Variants in GRID2 observed in about 807,000 individuals in gnomAD.
GRID2 encodes glutamate ionotropic receptor delta type subunit 2, also known as glutamate receptor ionotropic, delta-2.
A neutral mutation model predicts 114.8 loss-of-function variants in GRID2; 33 were observed. The observed-to-expected ratio is 0.29, with a 90% CI of 0.22 to 0.38. The LOEUF (loss-of-function observed/expected upper bound fraction) is 0.38, where lower values mean the gene tolerates loss of function less well. GRID2 is among the 10% of genes least tolerant of loss of function. The probability of loss-of-function intolerance (pLI) is 1.00; values close to 1 mark genes in which losing one functional copy is unlikely to be tolerated. For synonymous variants in GRID2, 505 were observed against 449.9 expected, an observed-to-expected ratio of 1.12 and a Z score of -1.55; for missense variants, 1,184 against 1,257.7, an observed-to-expected ratio of 0.94 and a Z score of 0.89.
chr4:92,475,950 G>A (rs916181845), intron 1 of GRID2, among the ~76,000 whole-genome samples: 1 of 149,412 alleles, frequency 6.7e-6, no homozygotes, highest in Non-Finnish European at 1.5e-5. Context: ...AAATGGAAAT[G>A]TTTTCTTAAT....
intron 2 of GRID2, among the ~76,000 whole-genome samples, chr4:92,727,914 T>A (rs755409868): frequency 2.6e-5 from 4 of 152,100 alleles, no homozygotes; most frequent in Non-Finnish European, 4.4e-5. Context: ...CCTTCCAATA[T>A]ACGGCTTTGC....
intron 1 of GRID2, among the ~76,000 whole-genome samples, chr4:92,555,273 A>T (rs2149176698): frequency 6.6e-6 from 1 of 152,294 alleles, no homozygotes. Flanking sequence ...GTTGAAGTAA[A>T]GTTGCACTAA....
chr4:93,523,171 T>C (rs1013356701), intron 13 of GRID2, among the ~76,000 whole-genome samples: 3 of 152,144 alleles, frequency 2.0e-5, no homozygotes, highest in Admixed American at 2.0e-4. Flanking sequence ...ATGAGTGTTG[T>C]AGCAGAGAAA....
At chr4:92,350,654 C>T (rs866300121) in intron 1 of GRID2, among the ~76,000 whole-genome samples, 1 of 151,776 alleles carries the variant, frequency 6.6e-6, no homozygotes, top group Non-Finnish European at 1.5e-5. Flanking sequence ...ATAAAAATTA[C>T]ATTTTCTTAA....
intron 14 of GRID2, among the ~76,000 whole-genome samples, chr4:93,633,493 G>A (rs1276622545): frequency 6.6e-6 from 1 of 151,958 alleles, no homozygotes; most frequent in Non-Finnish European, 1.5e-5. Flanking sequence ...TTCTTGTTTA[G>A]CATGCAGTAA....
At position 93,138,845 on chromosome 4, in the gene GRID2, C is replaced by A. The variant is rs575355092; in HGVS notation, c.735+27892C>A. Among the ~76,000 whole-genome samples, 6 of 152,306 alleles carry A rather than the reference C, an allele frequency of 3.9e-5. No individual in the cohort carries two copies. The South Asian group carries it at 1.0e-3, about 26-fold the overall frequency. On this transcript the variant is annotated intron_variant, in intron 4 of 15. Coordinates refer to ENST00000282020, the MANE Select transcript of GRID2 (RefSeq NM_001510.4). ...ATGTCCAAAGAATCTTTCTAAAATG[C>A]AAGTAAGATTAGATCACTCCTTTAC... is the stretch of plus-strand genomic sequence containing the variant.
At chr4:93,652,713 C>G (rs28548978) in intron 14 of GRID2, among the ~76,000 whole-genome samples, 11,558 of 146,916 alleles carry the variant, frequency 0.079, 1,100 homozygotes, top group African/African-American at 0.23. Flanking sequence ...GCCAGCCAGT[C>G]CATGGTACTT....
At chr4:92,922,774 G>A (rs1308903789) in intron 2 of GRID2, among the ~76,000 whole-genome samples, 1 of 152,094 alleles carries the variant, frequency 6.6e-6, no homozygotes, top group Non-Finnish European at 1.5e-5. Context: ...CAAACGTCAT[G>A]CTGAATGAAA....
chr4:93,311,968 GAT>G (rs562483167), intron 8 of GRID2, among the ~76,000 whole-genome samples: 2 of 152,130 alleles, frequency 1.3e-5, no homozygotes, highest in African/African-American at 2.4e-5. Flanking sequence ...AGAAGAAAAA[GAT>G]AAATTCATAA....
At chr4:92,870,265 C>G (rs564225274) in intron 2 of GRID2, among the ~76,000 whole-genome samples, 1 of 148,278 alleles carries the variant, frequency 6.7e-6, no homozygotes, top group South Asian at 2.1e-4. Context: ...GTACATTATA[C>G]GGACACACAC....
At chr4:93,088,823 GT>G (rs1730543164) in intron 3 of GRID2, among the ~76,000 whole-genome samples, 1 of 152,008 alleles carries the variant, frequency 6.6e-6, no homozygotes, top group East Asian at 1.9e-4. Context: ...TAGGTAACTT[GT>G]TCACAAAAAA....
At chr4:92,972,347 T>C (rs1578642456) in intron 2 of GRID2, among the ~76,000 whole-genome samples, 1 of 152,094 alleles carries the variant, frequency 6.6e-6, no homozygotes, top group Admixed American at 6.6e-5. Context: ...TTAAATAGAT[T>C]AAGAAGACAA....
chr4:93,103,594 A>G (rs1731905544), intron 3 of GRID2, among the ~76,000 whole-genome samples: 2 of 152,150 alleles, frequency 1.3e-5, no homozygotes, highest in Admixed American at 6.5e-5. Flanking sequence ...AATCACTAAC[A>G]TCAGGGACGA....
intron 2 of GRID2, among the ~76,000 whole-genome samples, chr4:92,849,813 C>A (rs1024357285): frequency 2.0e-5 from 3 of 151,646 alleles, no homozygotes; most frequent in African/African-American, 7.3e-5. Context: ...AGACTTTTTA[C>A]AATAATTTGT....
At chr4:92,388,170 C>G (rs1211151466) in intron 1 of GRID2, among the ~76,000 whole-genome samples, 2 of 152,014 alleles carry the variant, frequency 1.3e-5, no homozygotes, top group African/African-American at 4.8e-5. Context: ...ATCATTCTGC[C>G]AAGGGCAGTC....
chr4:92,711,468 ACTGT>A (rs1228517205), intron 2 of GRID2, among the ~76,000 whole-genome samples: 1 of 152,194 alleles, frequency 6.6e-6, no homozygotes, highest in Non-Finnish European at 1.5e-5. Context: ...ACCAAGAGCT[ACTGT>A]CTGCTTCTAA....
intron 12 of GRID2, among the ~76,000 whole-genome samples, chr4:93,496,049 T>C (rs1035894825): frequency 2.6e-5 from 4 of 151,580 alleles, no homozygotes; most frequent in Non-Finnish European, 4.4e-5. Context: ...CCTCTCACTT[T>C]TAGCTTTGAG....
chr4:93,082,463 A>G (rs1729954755), intron 2 of GRID2, among the ~76,000 whole-genome samples: 1 of 152,130 alleles, frequency 6.6e-6, no homozygotes, highest in Non-Finnish European at 1.5e-5. Context: ...ATGCGCATTT[A>G]TAACTTGCAG....
intron 2 of GRID2, chr4:92,885,165 T>G: frequency 4.0e-6 from 1 of 248,908 alleles, no homozygotes; most frequent in Non-Finnish European, 7.9e-6. Flanking sequence ...TACGACATCT[T>G]CAGTCCTTGT....
Sources: gnomAD v4.1 joint callset for allele counts (sites outside exome capture counted in the v4.1 genomes callset) on GRCh38, gnomAD v4.1.1 for gene constraint, MANE v1.5 for transcripts, NCBI Gene and HGNC (gene_info 2026-07-23, HGNC 2026-07-21) for gene names.